ZNF789: variants seen among roughly 807,000 people sequenced by gnomAD.
The protein encoded by ZNF789 is zinc finger protein 789.
ZNF789 carries 11 observed loss-of-function variants against 15.6 expected under a neutral mutation model. The observed-to-expected ratio is 0.70, with a 90% CI of 0.44 to 1.16. ZNF789 has a LOEUF of 1.16. ZNF789 is among the 50% of genes most tolerant of loss of function. The pLI is 0.00. For synonymous variants in ZNF789, 159 were observed against 176.0 expected (o/e 0.90, Z 0.76); for missense variants, 461 against 512.6 (o/e 0.90, Z 0.97).
At position 99,476,492 on chromosome 7, in the gene ZNF789, C is replaced by G; in HGVS notation, c.24+12C>G. On this transcript the variant is annotated intron_variant, in intron 2 of 4. Transcript: ENST00000331410. The stretch of plus-strand genomic sequence containing the variant: ...CAGCCAGGGGGAAGGTGAGCTGTGC[C>G]TCCCCCTCTGCTTCATCAGCATAGT... 1 of 1,611,466 alleles carries G rather than the reference C, an allele frequency of 6.2e-7. No homozygotes were observed. The highest frequency in any genetic ancestry group is 8.5e-7 in the Non-Finnish European group (1 of 1,179,150).
At chr7:99,476,627 C>A in intron 2 of ZNF789, 147 bp downstream of exon 2, 1 of 948,262 alleles carries the variant, frequency 1.1e-6, no homozygotes, top group African/African-American at 1.7e-5. Flanking sequence ...GTCACATGGG[C>A]TTCCTTCAGT....
intron 1 of ZNF789, among the ~76,000 whole-genome samples, chr7:99,474,486 C>G (rs1252981746): frequency 6.6e-6 from 1 of 151,556 alleles, no homozygotes; most frequent in Non-Finnish European, 1.5e-5. Context: ...CCCAGCTACT[C>G]GGGAAGCTGA....
At chr7:99,481,274 TATA>T (rs1799612699) in intron 3 of ZNF789, 1 of 152,238 alleles carries the variant, frequency 6.6e-6, no homozygotes, top group Non-Finnish European at 1.5e-5. Flanking sequence ...CTTGTGTATT[TATA>T]ATGTTTGAAT....
At chr7:99,474,447 A>G (rs150489246) in intron 1 of ZNF789, among the ~76,000 whole-genome samples, 22 of 152,202 alleles carry the variant, frequency 1.4e-4, no homozygotes, top group African/African-American at 5.1e-4. Context: ...ACAAAAAATT[A>G]GCGGGGCGTG....
rs1374764866 is a variant in ZNF789, at chr7:99,486,432, TGCAG to T, written c.266-43_266-40del. The T allele has an allele frequency of 3.2e-6, 5 of 1,539,916 alleles. No homozygotes were observed. In the Admixed American group the frequency reaches 6.4e-5, roughly 20 times the overall value. The stretch of plus-strand genomic sequence containing the variant: ...TTGCCTTCTCTTCCTTTTTTTCTTC[TGCAG>T]TGGATAGGTCATTTACATCTTTTCT... On this transcript the variant is annotated intron_variant, in intron 4 of 4. Transcript: ENST00000331410.
chr7:99,477,584 C>A (rs1799402751), intron 2 of ZNF789, among the ~76,000 whole-genome samples: 1 of 152,154 alleles, frequency 6.6e-6, no homozygotes. Context: ...AGCCATCCAC[C>A]AGCCTCAGCC....
intron 2 of ZNF789, chr7:99,478,524 T>C (rs1229900304): frequency 2.4e-5 from 11 of 455,242 alleles, no homozygotes; most frequent in Admixed American, 5.0e-5. Flanking sequence ...TGACCACTTA[T>C]AGGACAGCGA....
chr7:99,478,687 A>G (rs560003762), intron 2 of ZNF789: 138 of 317,728 alleles, frequency 4.3e-4, no homozygotes, highest in African/African-American at 2.9e-3. Flanking sequence ...AGCCCACTGG[A>G]GGGGGCAGTC....
chr7:99,476,444 G>A lies in ZNF789; in HGVS notation c.-13G>A, dbSNP rs1304044080. 1 of 1,609,710 alleles carries A rather than the reference G, an allele frequency of 6.2e-7. No homozygotes were observed. The highest frequency in any genetic ancestry group is 8.5e-7 in the Non-Finnish European group (1 of 1,178,454). On this transcript the variant is annotated 5_prime_UTR_variant, in exon 2 of 5. Coordinates refer to ENST00000331410, the MANE Select transcript of ZNF789 (RefSeq NM_213603.3). ...GGATCCCACCCCTTGCAAAAGACCA[G>A]GCCGTGGAAGCCATGTTCCCACCAG...
rs1309054073 is a variant in ZNF789 at position 99,475,673 on chromosome 7, G to T, written c.-54-730G>T. Among the ~76,000 whole-genome samples, 4 of 152,278 alleles carry T rather than the reference G, an allele frequency of 2.6e-5. No homozygotes were observed. The East Asian group carries it at 7.7e-4, about 29-fold the overall frequency. On this transcript the variant is annotated intron_variant, in intron 1 of 4. Coordinates refer to ENST00000331410, the MANE Select transcript of ZNF789 (RefSeq NM_213603.3). ...TTCTCCTGTTGGTCCTAAATTAAAG[G>T]GAGTGGGGAGCAAAATTTTGGATAA...
intron 3 of ZNF789, chr7:99,480,502 G>A (rs1281748769): frequency 6.6e-6 from 1 of 152,234 alleles, no homozygotes; most frequent in Non-Finnish European, 1.5e-5. Flanking sequence ...ACTGGGGACA[G>A]TGAATAGTCG....
chr7:99,484,794 T>C (rs1483149668), intron 4 of ZNF789, among the ~76,000 whole-genome samples: 1 of 152,004 alleles, frequency 6.6e-6, no homozygotes, highest in Non-Finnish European at 1.5e-5. Flanking sequence ...CCGGGTGTGG[T>C]GGCGCATGCC....
chr7:99,486,998 G>T lies in ZNF789; in HGVS notation c.788G>T (p.Gly263Val). The T allele has an allele frequency of 6.2e-7, 1 of 1,614,100 alleles. No homozygotes were observed. The highest frequency in any genetic ancestry group is 1.6e-4 in the Middle Eastern group (1 of 6,062). Residue 263 changes from glycine to valine, a missense_variant, in exon 5 of 5, where the codon GGA becomes GTA. Transcript: ENST00000331410. ...QNKPYRCHDC[G>V]KCFRQLAYLV... ...AAGCCATACAGATGTCATGACTGTG[G>T]AAAGTGTTTTCGGCAGCTCGCGTAT...
intron 3 of ZNF789, among the ~76,000 whole-genome samples, chr7:99,483,148 T>C (rs1455729418): frequency 6.6e-6 from 1 of 151,660 alleles, no homozygotes; most frequent in East Asian, 1.9e-4. Context: ...AGAGAATCAC[T>C]TGAACCCGGG....
At chr7:99,475,924 C>A (rs1286177214) in intron 1 of ZNF789, among the ~76,000 whole-genome samples, 1 of 151,648 alleles carries the variant, frequency 6.6e-6, no homozygotes, top group East Asian at 1.9e-4. Context: ...CCTGCCTCAG[C>A]CTCCCAAGTA....
At chr7:99,476,288 A>G (rs147157326) in intron 1 of ZNF789, 115 bp from the exon 2 acceptor site, 30 of 615,518 alleles carry the variant, frequency 4.9e-5, no homozygotes, top group African/African-American at 4.2e-4. Flanking sequence ...CACCAAACAC[A>G]GGGACTTTGT....
chr7:99,485,305 C>A (rs79878591), intron 4 of ZNF789: 1 of 1,259,176 alleles, frequency 7.9e-7, no homozygotes, highest in Non-Finnish European at 1.1e-6. Context: ...ATGTCCTGTG[C>A]ATTTTAGGAT....
Position 99,476,628 on chromosome 7 carries a change from T to C in ZNF789, c.24+148T>C, listed in dbSNP as rs1799349603. 5 of 927,936 alleles carry C rather than the reference T, an allele frequency of 5.4e-6. No homozygotes were observed. In the East Asian group the frequency reaches 1.3e-4, roughly 24 times the overall value. 57.5% of individuals were successfully genotyped at this position (927,936 alleles called of 1,614,324 possible). ...GCTTAGCCTCTGGAGTCACATGGGC[T>C]TCCTTCAGTTACATAAACACTCTGG... is the stretch of plus-strand genomic sequence containing the variant. On this transcript the variant is annotated intron_variant, in intron 2 of 4. Transcript: ENST00000331410.
intron 1 of ZNF789, 86 bp from the exon 2 acceptor site, chr7:99,476,317 G>A (rs1351121962): frequency 2.5e-6 from 2 of 812,684 alleles, no homozygotes; most frequent in Non-Finnish European, 3.8e-6. Flanking sequence ...TTGTCTGTGT[G>A]CCCCGTTGGA....
Sources: allele counts gnomAD v4.1 joint callset (sites outside exome capture counted in the v4.1 genomes callset), GRCh38; gene constraint gnomAD v4.1.1; transcripts MANE v1.5; gene names NCBI Gene and HGNC (gene_info 2026-07-23, HGNC 2026-07-21).